Variants in ADAMTS19 observed in about 807,000 individuals in gnomAD.
The protein encoded by ADAMTS19 is ADAM metallopeptidase with thrombospondin type 1 motif 19.
A neutral mutation model predicts 153.3 loss-of-function variants in ADAMTS19; 93 were observed. The observed-to-expected ratio is 0.61, with a 90% confidence interval of 0.51 to 0.72. The LOEUF is 0.72. Ranked by LOEUF, ADAMTS19 falls within the 30% of genes least tolerant of loss-of-function variation. The probability of loss-of-function intolerance (pLI) is 0.00; values close to 1 mark genes in which losing one functional copy is unlikely to be tolerated. For synonymous variants in ADAMTS19, 600 were observed against 556.6 expected, an observed-to-expected ratio of 1.08 and a Z score of -1.10; for missense variants, 1,482 against 1,552.1, an observed-to-expected ratio of 0.95 and a Z score of 0.76.
rs149484124 is a variant in ADAMTS19, at chr5:129,710,289, A to C, written c.3312+5898A>C. Among the ~76,000 whole-genome samples the C allele has an allele frequency of 8.6e-3, 1,316 of 152,272 alleles. 21 individuals are homozygous for C. Among genetic ancestry groups the C allele is most frequent in the African/African-American group, 0.029 (1,217 of 41,538 alleles). On this transcript the variant is annotated intron_variant, in intron 21 of 22. Transcript: ENST00000274487. ...CTTCCAGGTCCATCCATGTCCCTGT[A>C]AAAGACATGATCTCATTCCTTTTTA...
chr5:129,609,811 A>T (rs1407601394), intron 8 of ADAMTS19, among the ~76,000 whole-genome samples: 1 of 152,176 alleles, frequency 6.6e-6, no homozygotes, highest in Non-Finnish European at 1.5e-5. Flanking sequence ...TCTGTTTGCA[A>T]TTCTCTGATG....
At chr5:129,548,860 G>A (rs1752961010) in intron 6 of ADAMTS19, among the ~76,000 whole-genome samples, 2 of 151,756 alleles carry the variant, frequency 1.3e-5, no homozygotes, top group Non-Finnish European at 2.9e-5. Flanking sequence ...AAAATGTTGA[G>A]TTCATGTCCT....
intron 7 of ADAMTS19, among the ~76,000 whole-genome samples, chr5:129,571,130 T>C (rs1441582154): frequency 6.6e-6 from 1 of 151,846 alleles, no homozygotes; most frequent in Non-Finnish European, 1.5e-5. Flanking sequence ...AAACTGTCTC[T>C]GCAGAAAACA....
chr5:129,509,788 G>T (rs1023034771), intron 3 of ADAMTS19, among the ~76,000 whole-genome samples: 4 of 151,874 alleles, frequency 2.6e-5, no homozygotes, highest in Non-Finnish European at 5.9e-5. Flanking sequence ...CTTTTCAGAG[G>T]CTCATAAACA....
At chr5:129,557,301 T>C (rs1753348030) in intron 7 of ADAMTS19, among the ~76,000 whole-genome samples, 1 of 152,134 alleles carries the variant, frequency 6.6e-6, no homozygotes, top group Non-Finnish European at 1.5e-5. Flanking sequence ...AATCAATTCT[T>C]TAAAAGCTAC....
At chr5:129,699,569 T>C (rs1755734953) in intron 19 of ADAMTS19, among the ~76,000 whole-genome samples, 1 of 152,160 alleles carries the variant, frequency 6.6e-6, no homozygotes, top group Non-Finnish European at 1.5e-5. Context: ...TTAGGTAGCC[T>C]TTGAGCCCCT....
At chr5:129,734,109 T>C (rs1252694755) in intron 21 of ADAMTS19, among the ~76,000 whole-genome samples, 1 of 151,826 alleles carries the variant, frequency 6.6e-6, no homozygotes, top group African/African-American at 2.4e-5. Flanking sequence ...TGCATGTTCT[T>C]ACTTGTAAGT....
intron 22 of ADAMTS19, 37 bp from the exon 23 acceptor site, chr5:129,737,030 T>C (rs866881081): frequency 4.6e-6 from 7 of 1,522,638 alleles, no homozygotes; most frequent in South Asian, 2.5e-5. Context: ...ATATATGATA[T>C]CTGCATGGAG....
rs1754966337 is a variant in ADAMTS19 at position 129,684,278 on chromosome 5, A to G, written c.2818+5A>G. 6.2e-7 allele frequency: 1 copy of G among 1,613,428 alleles called. No individual in the cohort carries two copies. Among genetic ancestry groups the G allele is most frequent in the South Asian group, 1.1e-5 (1 of 91,030 alleles). ...GCGATGCCACTTGTGGAGGAGGTGA[A>G]GGATTTTTAAACATTTATCTTTCCA... On this transcript the variant is annotated splice_donor_5th_base_variant and intron_variant, in intron 18 of 22. Coordinates refer to ENST00000274487, the MANE Select transcript of ADAMTS19 (RefSeq NM_133638.6).
chr5:129,728,359 T>G lies in ADAMTS19; in HGVS notation c.3313-6573T>G, dbSNP rs144893522. On this transcript the variant is annotated intron_variant, in intron 21 of 22. Coordinates refer to ENST00000274487, the MANE Select transcript of ADAMTS19 (RefSeq NM_133638.6). ...TGGTGTAGCCCTTCTTTTATTCCTT[T>G]ATCTTCTTTTTTTAAATTATACTTT... Among the ~76,000 whole-genome samples, 18 of 152,278 alleles carry G rather than the reference T, an allele frequency of 1.2e-4. 1 individual carries two copies. The East Asian group carries it at 3.5e-3, about 29-fold the overall frequency.
intron 11 of ADAMTS19, among the ~76,000 whole-genome samples, chr5:129,647,343 T>A (rs1207637351): frequency 2.0e-5 from 3 of 152,126 alleles, no homozygotes; most frequent in African/African-American, 7.2e-5. Context: ...TTGCTAAAAA[T>A]GTCTGCTTTG....
intron 10 of ADAMTS19, among the ~76,000 whole-genome samples, chr5:129,625,305 A>C (rs1283484769): frequency 6.6e-6 from 1 of 152,222 alleles, no homozygotes; most frequent in Non-Finnish European, 1.5e-5. Flanking sequence ...ATATGTGTGC[A>C]TGTGTCTTTA....
intron 14 of ADAMTS19, among the ~76,000 whole-genome samples, chr5:129,656,927 T>C (rs1322681404): frequency 6.6e-6 from 1 of 152,242 alleles, no homozygotes; most frequent in African/African-American, 2.4e-5. Flanking sequence ...GCAATAAAGA[T>C]ACTTTTATCA....
chr5:129,492,468 CAG>C (rs771830315), intron 2 of ADAMTS19, among the ~76,000 whole-genome samples: 2 of 151,024 alleles, frequency 1.3e-5, no homozygotes, highest in African/African-American at 2.4e-5. Flanking sequence ...ACCATTTTGA[CAG>C]AGAGTACTGA....
At chr5:129,547,912 C>T (rs1375330283) in intron 6 of ADAMTS19, among the ~76,000 whole-genome samples, 1 of 150,774 alleles carries the variant, frequency 6.6e-6, no homozygotes, top group Non-Finnish European at 1.5e-5. Context: ...CTGACAAAAA[C>T]AAGCAATGGG....
intron 21 of ADAMTS19, among the ~76,000 whole-genome samples, chr5:129,711,947 T>A (rs1756499384): frequency 6.6e-6 from 1 of 152,020 alleles, no homozygotes; most frequent in South Asian, 2.1e-4. Context: ...TTTAACATAA[T>A]ACACTTTGGG....
At chr5:129,707,616 T>C (rs2127173641) in intron 21 of ADAMTS19, among the ~76,000 whole-genome samples, 1 of 152,282 alleles carries the variant, frequency 6.6e-6, no homozygotes, top group African/African-American at 2.4e-5. Context: ...GTTTCAGTGA[T>C]TAAAGTATTC....
chr5:129,466,783 G>T (rs369113256), intron 2 of ADAMTS19, among the ~76,000 whole-genome samples: 1 of 152,144 alleles, frequency 6.6e-6, no homozygotes, highest in African/African-American at 2.4e-5. Context: ...TTGGATGTGA[G>T]GCCAGATATT....
At chr5:129,551,116 T>G (rs990701888) in intron 6 of ADAMTS19, among the ~76,000 whole-genome samples, 1 of 151,622 alleles carries the variant, frequency 6.6e-6, no homozygotes, top group Non-Finnish European at 1.5e-5. Context: ...TATGATGAGG[T>G]GACAGAGGAA....
Sources: allele counts gnomAD v4.1 joint callset (sites outside exome capture counted in the v4.1 genomes callset), GRCh38; gene constraint gnomAD v4.1.1; transcripts MANE v1.5; gene names NCBI Gene and HGNC (gene_info 2026-07-23, HGNC 2026-07-21).